TEK: variants seen among roughly 807,000 people sequenced by gnomAD.
The protein encoded by TEK is TEK receptor tyrosine kinase, also known as angiopoietin-1 receptor.
TEK carries 43 observed loss-of-function variants against 131.8 expected under a neutral mutation model. The ratio of observed to expected loss-of-function variants is 0.33; its 90% CI spans 0.26 to 0.42. TEK has a LOEUF of 0.42. Ranked by LOEUF, TEK falls within the 10% of genes least tolerant of loss-of-function variation. TEK has a pLI of 1.00. For synonymous variants in TEK, 580 were observed against 491.6 expected (o/e 1.18, Z -2.38); for missense variants, 1,162 against 1,384.4 (o/e 0.84, Z 2.55).
intron 1 of TEK, among the ~76,000 whole-genome samples, chr9:27,143,504 G>A (rs1822805371): frequency 1.3e-5 from 2 of 152,136 alleles, no homozygotes; most frequent in African/African-American, 4.8e-5. Context: ...CATACACTGT[G>A]ATGTTGAAAT....
intron 7 of TEK, 82 bp from the exon 8 acceptor site, chr9:27,183,377 A>C (rs75640076): frequency 1.3e-6 from 2 of 1,483,914 alleles, no homozygotes; most frequent in Non-Finnish European, 1.9e-6. Context: ...TGCATGACTT[A>C]CTAAAGTAGC....
At position 27,206,786 on chromosome 9, in the gene TEK, A is replaced by C; in HGVS notation, c.2569A>C (p.Met857Leu). Reference protein sequence around the residue: ...GLRMDAAIKRMKEYASKDDHR... With the variant: ...GLRMDAAIKRLKEYASKDDHR... ...ACGGATGGATGCTGCCATCAAAAGA[A>C]TGAAAGGTCAGTGGTTGACCAGATA... The change falls in exon 15 of 23, where the codon ATG (methionine) becomes CTG (leucine). Residue 857 changes from methionine to leucine, a missense_variant. Met to Leu is a conservative substitution (Grantham distance 15). Coordinates refer to ENST00000380036, the MANE Select transcript of TEK (RefSeq NM_000459.5). 2.5e-6 allele frequency: 4 copies of C among 1,613,892 alleles called. No individual in the cohort carries two copies. Among genetic ancestry groups the C allele is most frequent in the Non-Finnish European group, 3.4e-6 (4 of 1,179,952 alleles).
intron 21 of TEK, among the ~76,000 whole-genome samples, chr9:27,226,434 A>G (rs12340759): frequency 0.13 from 19,095 of 152,194 alleles, 1,362 homozygotes; most frequent in Admixed American, 0.18. Flanking sequence ...CTTTGGACGG[A>G]CATGGATGAA....
chr9:27,229,063 CAACA>C (rs1826455034), intron 22 of TEK, 91 bp from the exon 23 acceptor site: 3 of 1,090,872 alleles, frequency 2.8e-6, no homozygotes, highest in Non-Finnish European at 4.3e-6. Flanking sequence ...ATATGAGTTG[CAACA>C]AACTAAGAAA....
Position 27,169,547 on chromosome 9 carries a change from G to C in TEK, c.546G>C (p.Gln182His). 1.9e-6 allele frequency: 3 copies of C among 1,614,170 alleles called. No homozygotes were observed. Among genetic ancestry groups the C allele is most frequent in the Non-Finnish European group, 2.5e-6 (3 of 1,180,014 alleles). Residue 182 changes from glutamine (Q) to histidine (H), a missense_variant, in exon 4 of 23, where the codon CAG becomes CAC. Transcript: ENST00000380036. ...TAGAAGTACACCTGCCTCATGCTCA[G>C]CCCCAGGATGCTGGAGTGTACTCGG... ...DILEVHLPHAQPQDAGVYSAR... is the reference protein window; with the variant it reads ...DILEVHLPHAHPQDAGVYSAR...
rs147034524 is a variant in TEK, at chr9:27,157,736, C to T, written c.53-95C>T. 1.1e-3 allele frequency: 1,605 copies of T among 1,412,794 alleles called. 5 individuals carry two copies. The highest frequency in any genetic ancestry group is 1.3e-3 in the Non-Finnish European group (1,261 of 1,000,474). The allele number at this position is 1,412,794 out of a possible 1,614,324, so 87.5% of individuals were successfully genotyped here. On this transcript the variant is annotated intron_variant, in intron 1 of 22. Coordinates refer to ENST00000380036, the MANE Select transcript of TEK (RefSeq NM_000459.5). ...AATAGCATTTTAGAAAGAATCCTCACACAACTTTAAGACAAGGCTTTGTGA... is the reference window on the plus strand; with the variant it reads ...AATAGCATTTTAGAAAGAATCCTCATACAACTTTAAGACAAGGCTTTGTGA...
intron 9 of TEK, among the ~76,000 whole-genome samples, chr9:27,188,125 A>G (rs1824667626): frequency 6.6e-6 from 1 of 152,182 alleles, no homozygotes; most frequent in African/African-American, 2.4e-5. Context: ...TTATGATTCC[A>G]TTTATATAAA....
chr9:27,113,638 G>C (rs549253241), intron 1 of TEK, among the ~76,000 whole-genome samples: 5 of 152,230 alleles, frequency 3.3e-5, no homozygotes, highest in African/African-American at 1.2e-4. Flanking sequence ...AATCAAAAGA[G>C]AAGTGTTGCT....
intron 1 of TEK, among the ~76,000 whole-genome samples, chr9:27,148,440 C>A (rs747093732): frequency 1.3e-5 from 2 of 152,232 alleles, no homozygotes; most frequent in Admixed American, 6.5e-5. Context: ...TGTATGTCAT[C>A]TGGGAAACTC....
At chr9:27,112,146 G>A (rs891859040) in intron 1 of TEK, among the ~76,000 whole-genome samples, 2 of 151,988 alleles carry the variant, frequency 1.3e-5, no homozygotes, top group African/African-American at 2.4e-5. Flanking sequence ...TGATCCGCCC[G>A]CCTCGGCCTC....
At chr9:27,136,542 C>T (rs753836290) in intron 1 of TEK, among the ~76,000 whole-genome samples, 2 of 152,164 alleles carry the variant, frequency 1.3e-5, no homozygotes, top group Non-Finnish European at 2.9e-5. Flanking sequence ...AATTTCTCCA[C>T]CCCCAGACAG....
At chr9:27,120,809 G>T (rs2131040371) in intron 1 of TEK, among the ~76,000 whole-genome samples, 3 of 152,344 alleles carry the variant, frequency 2.0e-5, no homozygotes, top group East Asian at 3.9e-4. Flanking sequence ...TGCAGGAGCA[G>T]CCAGGGCAAA....
chr9:27,193,517 CT>C (rs1824899212), intron 11 of TEK, among the ~76,000 whole-genome samples: 1 of 152,108 alleles, frequency 6.6e-6, no homozygotes, highest in Non-Finnish European at 1.5e-5. Context: ...GTGAAGCCTC[CT>C]TGATGCTAAC....
chr9:27,129,252 G>A (rs543843529), intron 1 of TEK, among the ~76,000 whole-genome samples: 1 of 152,226 alleles, frequency 6.6e-6, no homozygotes, highest in Admixed American at 6.5e-5. Context: ...TTGTCATTCT[G>A]TTTATGTGAT....
At chr9:27,206,877 T>TA (rs1462311682) in intron 15 of TEK, 85 bp downstream of exon 15, 9 of 1,479,804 alleles carry the variant, frequency 6.1e-6, no homozygotes, top group Non-Finnish European at 8.3e-6. Context: ...TCTATGGTCT[T>TA]ACAAAAAATT....
At chr9:27,139,331 T>TTG (rs1822632703) in intron 1 of TEK, among the ~76,000 whole-genome samples, 1 of 121,862 alleles carries the variant, frequency 8.2e-6, no homozygotes, top group African/African-American at 3.1e-5. Flanking sequence ...AATTTTTTTT[T>TTG]TTTTTTTTTT....
intron 1 of TEK, among the ~76,000 whole-genome samples, chr9:27,124,727 T>A (rs1307345655): frequency 6.6e-6 from 1 of 152,202 alleles, no homozygotes; most frequent in African/African-American, 2.4e-5. Flanking sequence ...CCTCATGGGT[T>A]TTTTTTGGAG....
At chr9:27,151,532 C>T (rs1197325916) in intron 1 of TEK, among the ~76,000 whole-genome samples, 1 of 152,070 alleles carries the variant, frequency 6.6e-6, no homozygotes, top group Non-Finnish European at 1.5e-5. Flanking sequence ...CCTGGCTAAC[C>T]CCAACTTTCC....
intron 18 of TEK, among the ~76,000 whole-genome samples, chr9:27,215,592 GATTTTAATACTGGAAGT>G (rs1825795924): frequency 2.7e-5 from 4 of 148,274 alleles, no homozygotes; most frequent in Non-Finnish European, 5.9e-5. Flanking sequence ...TACCCAGGGT[GATTTTAATACTGGAAGT>G]ATTACTGCAA....
Sources: allele counts gnomAD v4.1 joint callset (sites outside exome capture counted in the v4.1 genomes callset), GRCh38; gene constraint gnomAD v4.1.1; transcripts MANE v1.5; gene names NCBI Gene and HGNC (gene_info 2026-07-23, HGNC 2026-07-21).